Variants in SLC12A6 observed in about 807,000 individuals in gnomAD.
The protein encoded by SLC12A6 is K-Cl cotransporter 3.
In SLC12A6, 66 loss-of-function variants were observed where a neutral mutation model predicts 135.3. The ratio of observed to expected loss-of-function variants is 0.49; its 90% CI spans 0.40 to 0.60. The LOEUF (loss-of-function observed/expected upper bound fraction) is 0.60. Among genes scored for constraint, SLC12A6 ranks in the 20% least tolerant of loss-of-function variants. SLC12A6 has a pLI of 0.00. For missense variants in SLC12A6, 1,058 were observed against 1,452.3 expected (o/e 0.73, Z 4.41); for synonymous variants, 513 against 508.8 (o/e 1.01, Z -0.11).
At chr15:34,289,271 A>G (rs191646794) in intron 2 of SLC12A6, among the ~76,000 whole-genome samples, 144 of 152,230 alleles carry the variant, frequency 9.5e-4, no homozygotes, top group African/African-American at 3.3e-3. Context: ...GGTTCTGTTT[A>G]TATGTTGGAT....
intron 2 of SLC12A6, among the ~76,000 whole-genome samples, chr15:34,327,535 G>A (rs111937504): frequency 0.014 from 2,198 of 152,188 alleles, 50 homozygotes; most frequent in African/African-American, 0.051. Flanking sequence ...GCATGCGCCT[G>A]TAATCCCAGC....
At chr15:34,329,159 T>C (rs1437957783) in intron 2 of SLC12A6, among the ~76,000 whole-genome samples, 1 of 152,152 alleles carries the variant, frequency 6.6e-6, no homozygotes, top group Non-Finnish European at 1.5e-5. Context: ...GCTACAGCTG[T>C]GTAGACAGTG....
At chr15:34,246,290 G>A (rs1158078932) in intron 13 of SLC12A6, among the ~76,000 whole-genome samples, 4 of 151,806 alleles carry the variant, frequency 2.6e-5, no homozygotes, top group African/African-American at 4.8e-5. Context: ...ATAATATTAC[G>A]AAATATAAGA....
At chr15:34,334,444 C>G (rs1034563452) in intron 2 of SLC12A6, among the ~76,000 whole-genome samples, 3 of 152,106 alleles carry the variant, frequency 2.0e-5, no homozygotes, top group Admixed American at 1.3e-4. Context: ...CTAAATCTAA[C>G]AAGGGCTTTC....
Position 34,241,390 on chromosome 15 carries a change from T to C in SLC12A6, c.2163-53A>G, listed in dbSNP as rs1891631204. ...AAATTTAAACTATAGTAAGTATAAT[T>C]TTAAAAAATAAAGTTTTTTTCTGAA... On this transcript the variant is annotated intron_variant, in intron 17 of 25. Coordinates refer to ENST00000354181, the MANE Select transcript of SLC12A6 (RefSeq NM_001365088.1). The C allele has an allele frequency of 4.1e-5, 40 of 977,968 alleles. 1 individual carries two copies. The South Asian group carries it at 5.2e-4, about 13-fold the overall frequency. The allele number at this position is 977,968 out of a possible 1,614,324, so 60.6% of individuals were successfully genotyped here.
At chr15:34,254,727 A>G in intron 8 of SLC12A6, 138 bp from the exon 9 acceptor site, 1 of 696,870 alleles carries the variant, frequency 1.4e-6, no homozygotes, top group Admixed American at 2.6e-5. Flanking sequence ...CTAGTTTCTA[A>G]TAGGATCTGA....
intron 3 of SLC12A6, among the ~76,000 whole-genome samples, chr15:34,269,672 T>C (rs1211834563): frequency 6.6e-6 from 1 of 152,236 alleles, no homozygotes; most frequent in African/African-American, 2.4e-5. Context: ...GAGTTTCTGA[T>C]GGTCTGGGTT....
At chr15:34,301,753 G>C (rs1356864992) in intron 2 of SLC12A6, among the ~76,000 whole-genome samples, 1 of 152,194 alleles carries the variant, frequency 6.6e-6, no homozygotes, top group African/African-American at 2.4e-5. Context: ...GCTTTGGGAG[G>C]CCAAGGTGGG....
At chr15:34,284,565 C>T (rs1894920460) in intron 2 of SLC12A6, among the ~76,000 whole-genome samples, 1 of 152,084 alleles carries the variant, frequency 6.6e-6, no homozygotes, top group African/African-American at 2.4e-5. Flanking sequence ...AGCCACTGCG[C>T]CTGGCCCATG....
chr15:34,275,970 T>C (rs1323477130), intron 2 of SLC12A6, among the ~76,000 whole-genome samples: 2 of 152,018 alleles, frequency 1.3e-5, no homozygotes, highest in African/African-American at 2.4e-5. Flanking sequence ...GGGTATGGAA[T>C]GTTATTGCTT....
chr15:34,309,541 C>T (rs777512615), intron 2 of SLC12A6, among the ~76,000 whole-genome samples: 6 of 151,886 alleles, frequency 4.0e-5, no homozygotes, highest in Admixed American at 6.6e-5. Context: ...TCTAAAAAGC[C>T]GATGATAACA....
At chr15:34,317,532 G>C (rs886099662) in intron 2 of SLC12A6, among the ~76,000 whole-genome samples, 1 of 152,062 alleles carries the variant, frequency 6.6e-6, no homozygotes, top group Non-Finnish European at 1.5e-5. Flanking sequence ...GTGAAACCTT[G>C]TCTCTACTAA....
In SLC12A6 at chr15:34,258,842, T is replaced by C. The variant is rs1309924792; in HGVS notation, c.514A>G (p.Ile172Val). 1.2e-6 allele frequency: 2 copies of C among 1,613,678 alleles called. No homozygotes were observed. Among genetic ancestry groups the C allele is most frequent in the Admixed American group, 1.7e-5 (1 of 60,002 alleles). Reference protein sequence around the residue: ...GAKEHEEAENITEGKKKPTKT... With the variant: ...GAKEHEEAENVTEGKKKPTKT... ...GTGGGCTTCTTTTTCCCTTCAGTGATGTTTTCTGCCTCTTCATGTTCCTTT... is the reference window on the plus strand; with the variant it reads ...GTGGGCTTCTTTTTCCCTTCAGTGACGTTTTCTGCCTCTTCATGTTCCTTT... Residue 172 changes from isoleucine (I) to valine (V), a missense_variant, in exon 5 of 26, where the codon ATC (isoleucine) becomes GTC (valine). Transcript: ENST00000354181.
At chr15:34,319,779 A>G (rs1299594578) in intron 2 of SLC12A6, among the ~76,000 whole-genome samples, 1 of 151,798 alleles carries the variant, frequency 6.6e-6, no homozygotes, top group African/African-American at 2.4e-5. Flanking sequence ...AGCCTGAGCG[A>G]CAGAGCGAGA....
At position 34,260,794 on chromosome 15, in the gene SLC12A6, C is replaced by T. The variant is rs191127887; in HGVS notation, c.411+132G>A. Reference sequence around the variant, plus strand: ...ACACAGACAAAATTTACTATAATAACAAGTTACAATATTTTCTTTTAACAT... The same window carrying T: ...ACACAGACAAAATTTACTATAATAATAAGTTACAATATTTTCTTTTAACAT... On this transcript the variant is annotated intron_variant, in intron 4 of 25. Transcript: ENST00000354181. 7.9e-6 allele frequency: 5 copies of T among 635,308 alleles called. No individual in the cohort carries two copies. The Admixed American group carries it at 7.9e-5, about 10-fold the overall frequency. 39.4% of individuals were successfully genotyped at this position (635,308 alleles called of 1,614,324 possible). A position where few individuals can be genotyped will look rare whatever the true frequency, so the allele number is the denominator to read the frequency against.
intron 3 of SLC12A6, among the ~76,000 whole-genome samples, chr15:34,269,161 A>T (rs1054811784): frequency 1.3e-5 from 2 of 152,040 alleles, no homozygotes; most frequent in Non-Finnish European, 2.9e-5. Context: ...CCCAGACACT[A>T]TTATGTTTCT....
In SLC12A6 at chr15:34,230,074, AGAG is replaced by A. The variant is rs1890823785; in HGVS notation, c.*3804_*3806del. On this transcript the variant is annotated 3_prime_UTR_variant, in exon 26 of 26. Coordinates refer to ENST00000354181, the MANE Select transcript of SLC12A6 (RefSeq NM_001365088.1). ...ACAAAAAAACATAACTATGTAAACA[AGAG>A]AATAACTGCTGCTAAATCAAGAACT... 2.4e-6 allele frequency: 1 copy of A among 414,002 alleles called. No individual in the cohort carries two copies. The highest frequency in any genetic ancestry group is 4.3e-6 in the Non-Finnish European group (1 of 233,984). 25.6% of individuals were successfully genotyped at this position (414,002 alleles called of 1,614,324 possible). A position where few individuals can be genotyped will look rare whatever the true frequency, so the allele number is the denominator to read the frequency against.
chr15:34,324,281 AC>A (rs1164007372), intron 2 of SLC12A6, among the ~76,000 whole-genome samples: 1 of 152,218 alleles, frequency 6.6e-6, no homozygotes, highest in African/African-American at 2.4e-5. Flanking sequence ...TGAAATATTT[AC>A]ATTTGTATAC....
chr15:34,290,547 T>C (rs1595509214), intron 2 of SLC12A6, among the ~76,000 whole-genome samples: 1 of 152,286 alleles, frequency 6.6e-6, no homozygotes, highest in Non-Finnish European at 1.5e-5. Context: ...TAATTTTCTG[T>C]CTCGTCGATC....
Sources: allele counts gnomAD v4.1 joint callset (sites outside exome capture counted in the v4.1 genomes callset), GRCh38; gene constraint gnomAD v4.1.1; transcripts MANE v1.5; gene names NCBI Gene and HGNC (gene_info 2026-07-23, HGNC 2026-07-21).